The following SCAMP2 variants were observed in gnomAD, a reference collection of about 807,000 sequenced individuals.
SCAMP2 encodes the protein secretory carrier membrane protein 2.
A neutral mutation model predicts 44.1 loss-of-function variants in SCAMP2; 25 were observed. The observed-to-expected ratio is 0.57, with a 90% CI of 0.41 to 0.79. The LOEUF (loss-of-function observed/expected upper bound fraction) is 0.79. Among genes scored for constraint, SCAMP2 ranks in the 30% least tolerant of loss-of-function variants. The probability of loss-of-function intolerance (pLI) is 0.00; values close to 1 mark genes in which losing one functional copy is unlikely to be tolerated. For missense variants in SCAMP2, 355 were observed against 411.0 expected, an observed-to-expected ratio of 0.86 and a Z score of 1.18; for synonymous variants, 156 against 166.0, an observed-to-expected ratio of 0.94 and a Z score of 0.46.
Position 74,851,339 on chromosome 15 carries a change from G to A in SCAMP2, c.472+14C>T, listed in dbSNP as rs1204886170. 4 of 1,611,820 alleles carry A rather than the reference G, an allele frequency of 2.5e-6. No homozygotes were observed. The African/African-American group carries it at 4.0e-5, about 16-fold the overall frequency. On this transcript the variant is annotated intron_variant, in intron 5 of 8. Transcript: ENST00000268099. Reference sequence around the variant, plus strand: ...AATTCGCCCTTGCGCTTGGAAGGCAGGAGTGGGACTCACACATCCACAGAT... The same window carrying A: ...AATTCGCCCTTGCGCTTGGAAGGCAAGAGTGGGACTCACACATCCACAGAT...
At chr15:74,853,982 C>T in intron 3 of SCAMP2, 39 bp downstream of exon 3, 1 of 1,538,922 alleles carries the variant, frequency 6.5e-7, no homozygotes, top group African/African-American at 1.4e-5. Flanking sequence ...ATGATTCCCT[C>T]ACTGGAGAGA....
chr15:74,847,516 TAAC>T (rs942385935), intron 7 of SCAMP2, among the ~76,000 whole-genome samples: 82 of 152,216 alleles, frequency 5.4e-4, no homozygotes, highest in East Asian at 9.6e-4. Context: ...GGGACCAGAT[TAAC>T]AACAGCAGGG....
chr15:74,865,785 C>CAAA lies in SCAMP2; in HGVS notation c.57+7411_57+7413dup, dbSNP rs768984095. The stretch of plus-strand genomic sequence containing the variant: ...GCAACAAAGTGAGACCTCATTTCTC[C>CAAA]AAAAAAAAAAAAAAAAAAAGCCAGG... On this transcript the variant is annotated intron_variant, in intron 1 of 8. Transcript: ENST00000268099. 6.2e-3 allele frequency among the ~76,000 whole-genome samples: 557 copies of CAAA among 90,424 alleles called. 18 individuals are homozygous for CAAA. Among genetic ancestry groups the CAAA allele is most frequent in the Middle Eastern group, 8.6e-3 (1 of 116 alleles). 59.3% of individuals were successfully genotyped at this position (90,424 alleles called of 152,430 possible). A position where few individuals can be genotyped will look rare whatever the true frequency, so the allele number is the denominator to read the frequency against.
chr15:74,853,815 G>C, intron 3 of SCAMP2: 1 of 589,484 alleles, frequency 1.7e-6, no homozygotes, highest in South Asian at 2.0e-5. Context: ...CAGTGGTGGT[G>C]GTGGGTGGGA....
intron 1 of SCAMP2, among the ~76,000 whole-genome samples, chr15:74,866,605 G>C (rs898467256): frequency 6.6e-6 from 1 of 151,894 alleles, no homozygotes; most frequent in Non-Finnish European, 1.5e-5. Flanking sequence ...CCAGCTACTC[G>C]GGAGTGTGAC....
Position 74,873,026 on chromosome 15 carries a change from T to G in SCAMP2, c.57+173A>C, listed in dbSNP as rs547613203. ...CCGCCTCCTCTGCAGTTCCACCTGC[T>G]GCTAGTCGCGCCCCTCACGCGTTAC... On this transcript the variant is annotated intron_variant, in intron 1 of 8. Transcript: ENST00000268099. The G allele has an allele frequency of 8.4e-4, 463 of 551,794 alleles. 10 individuals are homozygous for G. The South Asian group carries it at 0.011, about 13-fold the overall frequency. The allele number at this position is 551,794 out of a possible 1,614,324, so 34.2% of individuals were successfully genotyped here.
intron 6 of SCAMP2, among the ~76,000 whole-genome samples, chr15:74,849,996 C>G (rs2064425053): frequency 6.6e-6 from 1 of 152,098 alleles, no homozygotes; most frequent in Non-Finnish European, 1.5e-5. Flanking sequence ...GCTGGGCTCC[C>G]AGCCCTGAAA....
chr15:74,859,538 G>T (rs1261723337), intron 1 of SCAMP2, among the ~76,000 whole-genome samples: 1 of 152,106 alleles, frequency 6.6e-6, no homozygotes, highest in Non-Finnish European at 1.5e-5. Flanking sequence ...CCACATAGCT[G>T]GGGGGTAAAG....
intron 1 of SCAMP2, among the ~76,000 whole-genome samples, chr15:74,869,115 T>A (rs2064560210): frequency 6.6e-6 from 1 of 152,072 alleles, no homozygotes; most frequent in African/African-American, 2.4e-5. Flanking sequence ...GATCGCACCA[T>A]TGCACTCTAG....
chr15:74,872,905 C>T (rs1292039048), intron 1 of SCAMP2: 1 of 373,548 alleles, frequency 2.7e-6, no homozygotes, highest in Non-Finnish European at 4.8e-6. Flanking sequence ...AGGAGACTTC[C>T]GGAAGGGTCC....
At chr15:74,860,685 T>TAAA (rs34842935) in intron 1 of SCAMP2, among the ~76,000 whole-genome samples, 31,364 of 89,054 alleles carry the variant, frequency 0.35, 6,996 homozygotes, top group Non-Finnish European at 0.51. Context: ...AGACTCCATT[T>TAAA]AAAAAAAAAA....
At chr15:74,866,298 A>G (rs1488773868) in intron 1 of SCAMP2, among the ~76,000 whole-genome samples, 1 of 151,772 alleles carries the variant, frequency 6.6e-6, no homozygotes, top group Non-Finnish European at 1.5e-5. Flanking sequence ...CTAAGAGACC[A>G]TTAAGATCTA....
Position 74,859,258 on chromosome 15 carries a change from T to G in SCAMP2, c.58-4609A>C, listed in dbSNP as rs182354062. Reference sequence around the variant, plus strand: ...AATAAAAGGCTCTTAACCTCAGTTCTTTTCATTCAGCAACCAGCTACAGTG... The same window carrying G: ...AATAAAAGGCTCTTAACCTCAGTTCGTTTCATTCAGCAACCAGCTACAGTG... On this transcript the variant is annotated intron_variant, in intron 1 of 8. Coordinates refer to ENST00000268099, the MANE Select transcript of SCAMP2 (RefSeq NM_005697.5). Among the ~76,000 whole-genome samples the G allele has an allele frequency of 1.3e-3, 202 of 152,332 alleles. 1 individual carries two copies. The highest frequency in any genetic ancestry group is 4.6e-3 in the African/African-American group (192 of 41,576).
At chr15:74,852,234 A>G (rs752108572) in intron 3 of SCAMP2, 48 bp from the exon 4 acceptor site, 1 of 1,337,134 alleles carries the variant, frequency 7.5e-7, no homozygotes, top group Non-Finnish European at 9.9e-7. Flanking sequence ...CAACAAACAG[A>G]AACAGTGTCA....
At chr15:74,847,244 A>G (rs1347181905) in intron 7 of SCAMP2, among the ~76,000 whole-genome samples, 1 of 152,048 alleles carries the variant, frequency 6.6e-6, no homozygotes, top group Non-Finnish European at 1.5e-5. Context: ...GGCACCTACC[A>G]ATGCGCCTGG....
rs111432391 is a variant in SCAMP2, at chr15:74,854,037, G to A, written c.209C>T (p.Thr70Ile). 39 of 1,614,120 alleles carry A rather than the reference G, an allele frequency of 2.4e-5. No homozygotes were observed. In the African/African-American group the frequency reaches 2.5e-4, roughly 10 times the overall value. The change falls in exon 3 of 9, where the codon ACC (threonine) becomes ATC (isoleucine). Residue 70 changes from threonine to isoleucine, a missense_variant. Thr to Ile is a moderately conservative substitution (Grantham distance 89). Coordinates refer to ENST00000268099, the MANE Select transcript of SCAMP2 (RefSeq NM_005697.5). ...PAVLQPSVEP[T>I]QPTPQAVVSA... ...CAGCACTACCTGGGGGGTCGGCTGG[G>A]TTGGTTCCACTGATGGCTGGAGAAC...
chr15:74,859,600 G>A (rs1285292261), intron 1 of SCAMP2, among the ~76,000 whole-genome samples: 1 of 150,818 alleles, frequency 6.6e-6, no homozygotes, highest in African/African-American at 2.4e-5. Flanking sequence ...TCCCAGGAAC[G>A]GCCATGAAAA....
Position 74,864,032 on chromosome 15 carries a change from C to T in SCAMP2, c.57+9167G>A, listed in dbSNP as rs145838769. On this transcript the variant is annotated intron_variant, in intron 1 of 8. Coordinates refer to ENST00000268099, the MANE Select transcript of SCAMP2 (RefSeq NM_005697.5). Reference sequence around the variant, plus strand: ...GAAGGCAAGAACCACACTTGCAAAGCCACAGGATCTTTATTTATTTATTTA... The same window carrying T: ...GAAGGCAAGAACCACACTTGCAAAGTCACAGGATCTTTATTTATTTATTTA... 6.5e-3 allele frequency among the ~76,000 whole-genome samples: 990 copies of T among 152,176 alleles called. 12 individuals carry two copies. The highest frequency in any genetic ancestry group is 0.023 in the African/African-American group (939 of 41,528).
At chr15:74,848,573 A>C in intron 7 of SCAMP2, 27 bp downstream of exon 7, 2 of 1,447,086 alleles carry the variant, frequency 1.4e-6, no homozygotes, top group Non-Finnish European at 9.7e-7. Flanking sequence ...CCAAAGCCTA[A>C]TTCCCTCTGT....
Sources: gnomAD v4.1 joint callset for allele counts (sites outside exome capture counted in the v4.1 genomes callset) on GRCh38, gnomAD v4.1.1 for gene constraint, MANE v1.5 for transcripts, NCBI Gene and HGNC (gene_info 2026-07-23, HGNC 2026-07-21) for gene names.